OGG1: variants seen among roughly 807,000 people sequenced by gnomAD.
OGG1 encodes the protein N-glycosylase/DNA lyase.
Under a neutral mutation model 42.3 loss-of-function variants are expected in OGG1, and 35 were observed. That is an observed-to-expected ratio of 0.83 (90% CI 0.63 to 1.10). The LOEUF is 1.10. Ranked by LOEUF, OGG1 falls within the 50% of genes least tolerant of loss-of-function variation. The pLI is 0.00. For synonymous variants in OGG1, 189 were observed against 179.0 expected (o/e 1.06, Z -0.44); for missense variants, 484 against 446.7 (o/e 1.08, Z -0.75).
chr3:9,764,617 GTTT>G (rs202012854), intron 7 of OGG1, among the ~76,000 whole-genome samples: 2,625 of 93,438 alleles, frequency 0.028, 104 homozygotes, highest in African/African-American at 0.094. Flanking sequence ...TGGCGTTTTT[GTTT>G]TTTTTTTGTT....
Position 9,786,228 on chromosome 3 carries a change from C to T in OGG1, c.383-1500C>T, listed in dbSNP as rs148319675. On this transcript the variant is annotated intron_variant, in intron 3 of 3. Transcript: ENST00000426518. ...TGCTGGGATTACAGGCGTGAGCCAC[C>T]GCGCCCGGCCTCCTTGCTCTTATTC... is the stretch of plus-strand genomic sequence containing the variant. 9.3e-3 allele frequency among the ~76,000 whole-genome samples: 1,415 copies of T among 152,252 alleles called. 21 individuals are homozygous for T. Among genetic ancestry groups the T allele is most frequent in the African/African-American group, 0.032 (1,350 of 41,540 alleles).
At chr3:9,763,624 G>A (rs931844962) in intron 7 of OGG1, among the ~76,000 whole-genome samples, 11 of 152,036 alleles carry the variant, frequency 7.2e-5, no homozygotes, top group South Asian at 2.1e-4. Flanking sequence ...AATCCTGCCC[G>A]TCACATGCTA....
chr3:9,761,592 C>G, downstream of OGG1: 1 of 1,613,418 alleles, frequency 6.2e-7, no homozygotes, highest in Non-Finnish European at 8.5e-7. Context: ...ACTCCTGGTT[C>G]CCCCCACCAT....
rs1228910721 is a variant in OGG1, at chr3:9,749,987, G to A, written c.-300G>A. ...TGGTCTGCCCCTGGAGAACCCAGAA[G>A]AACACAGCTGTGCGCGCCCACAGGC... On this transcript the variant is annotated 5_prime_UTR_variant, in exon 1 of 7. Transcript: ENST00000344629. 2.2e-6 allele frequency: 1 copy of A among 458,168 alleles called. No homozygotes were observed. The highest frequency in any genetic ancestry group is 4.0e-6 in the Non-Finnish European group (1 of 252,456). The allele number at this position is 458,168 out of a possible 1,614,324, so 28.4% of individuals were successfully genotyped here.
chr3:9,767,433 C>T (rs1423634188), downstream of OGG1, among the ~76,000 whole-genome samples: 1 of 152,218 alleles, frequency 6.6e-6, no homozygotes, highest in African/African-American at 2.4e-5. Flanking sequence ...GACTGACTGG[C>T]ACCTTCATTC....
chr3:9,761,605 C>T, downstream of OGG1: 1 of 1,613,932 alleles, frequency 6.2e-7, no homozygotes. Flanking sequence ...CCCACCATCA[C>T]AGCCCCAGCC....
At chr3:9,766,080 C>T in exon 8 of OGG1, 1 of 1,540,518 alleles carries the variant, frequency 6.5e-7, no homozygotes, top group Non-Finnish European at 8.8e-7. Context: ...AAAGTAGTCT[C>T]TCCCCTGGCC....
intron 7 of OGG1, among the ~76,000 whole-genome samples, chr3:9,762,558 G>T (rs2077934495): frequency 6.6e-6 from 1 of 152,052 alleles, no homozygotes; most frequent in African/African-American, 2.4e-5. Flanking sequence ...TGTATTTTTG[G>T]TAGAGACAGG....
chr3:9,781,820 T>C (rs1446344707), intron 3 of OGG1, among the ~76,000 whole-genome samples: 1 of 150,516 alleles, frequency 6.6e-6, no homozygotes, highest in Non-Finnish European at 1.5e-5. Context: ...CATTTCTTCA[T>C]TGCCCATTAC....
At chr3:9,767,912 A>G, downstream of OGG1, 1 of 1,303,014 alleles carries the variant, frequency 7.7e-7, no homozygotes, top group Non-Finnish European at 1.0e-6. Context: ...AAATCATTCA[A>G]CAAACATTCA....
chr3:9,791,030 G>A (rs1350073449), downstream of OGG1, among the ~76,000 whole-genome samples: 1 of 152,168 alleles, frequency 6.6e-6, no homozygotes, highest in Non-Finnish European at 1.5e-5. Flanking sequence ...AACACAATGG[G>A]GGATGAGTGG....
chr3:9,764,156 C>A (rs1471962476), intron 7 of OGG1, among the ~76,000 whole-genome samples: 1 of 152,202 alleles, frequency 6.6e-6, no homozygotes. Flanking sequence ...TCAGTTTCTT[C>A]ATCTATAAAA....
At chr3:9,784,674 G>A (rs528444534) in intron 3 of OGG1, among the ~76,000 whole-genome samples, 35 of 151,886 alleles carry the variant, frequency 2.3e-4, no homozygotes, top group Admixed American at 1.6e-3. Flanking sequence ...AGACCAGCCC[G>A]GCCAAGATGG....
chr3:9,758,589 T>C (rs1430470638), downstream of OGG1: 1 of 158,060 alleles, frequency 6.3e-6, no homozygotes, highest in African/African-American at 2.4e-5. Context: ...TCCTAATGCG[T>C]CACCCAGTCT....
downstream of OGG1, chr3:9,767,778 G>T (rs373157445): frequency 2.2e-5 from 35 of 1,613,112 alleles, no homozygotes; most frequent in Non-Finnish European, 2.9e-5. Context: ...CACAGCCAGG[G>T]CTCCTGTAAG....
chr3:9,782,953 G>A (rs151167957), intron 3 of OGG1, among the ~76,000 whole-genome samples: 4 of 152,296 alleles, frequency 2.6e-5, no homozygotes, highest in African/African-American at 9.6e-5. Context: ...TCCTCAAGAT[G>A]TCACCTATAC....
chr3:9,787,194 C>CCTA, intron 3 of OGG1: 1 of 1,614,196 alleles, frequency 6.2e-7, no homozygotes, highest in Non-Finnish European at 8.5e-7. Flanking sequence ...AGGTGAGAGG[C>CCTA]CTACCTTTAG....
rs138037313 is a variant in OGG1, at chr3:9,751,015, G to A, written c.208G>A (p.Glu70Lys). 4.8e-4 allele frequency: 768 copies of A among 1,613,980 alleles called. No individual in the cohort carries two copies. Among genetic ancestry groups the A allele is most frequent in the Non-Finnish European group, 6.2e-4 (728 of 1,179,928 alleles). Residue 70 changes from glutamate (E) to lysine (K), a missense_variant, in exon 2 of 7, where the codon GAG becomes AAG. Transcript: ENST00000344629. ...TCAAGTATGGACACTGACTCAGACT[G>A]AGGAGCAGCTCCACTGCACTGTGTA... The part of the protein sequence containing the change: ...ADQVWTLTQT[E>K]EQLHCTVYRG...
At chr3:9,756,851 C>G (rs2077591001) in intron 6 of OGG1, 35 bp downstream of exon 6, 1 of 1,613,032 alleles carries the variant, frequency 6.2e-7, no homozygotes, top group Non-Finnish European at 8.5e-7. Flanking sequence ...TAGGTTTCCT[C>G]TCCTCCAGCC....
Sources: allele counts gnomAD v4.1 joint callset (sites outside exome capture counted in the v4.1 genomes callset), GRCh38; gene constraint gnomAD v4.1.1; transcripts MANE v1.5; gene names NCBI Gene and HGNC (gene_info 2026-07-23, HGNC 2026-07-21).